WWTR1: variants seen among roughly 807,000 people sequenced by gnomAD.
The protein encoded by WWTR1 is WW domain-containing transcription regulator protein 1.
Under a neutral mutation model 40.1 loss-of-function variants are expected in WWTR1, and 13 were observed. The observed-to-expected ratio is 0.32, with a 90% CI of 0.21 to 0.52. The LOEUF (loss-of-function observed/expected upper bound fraction) is 0.52, where lower values mean the gene tolerates loss of function less well. WWTR1 is among the 20% of genes least tolerant of loss of function. The pLI is 0.97. For synonymous variants in WWTR1, 230 were observed against 210.1 expected (o/e 1.09, Z -0.82); for missense variants, 436 against 523.1 (o/e 0.83, Z 1.63).
chr3:149,705,164 A>G (rs1012999593), upstream of WWTR1, among the ~76,000 whole-genome samples: 2 of 152,188 alleles, frequency 1.3e-5, no homozygotes, highest in Non-Finnish European at 2.9e-5. Flanking sequence ...GGATCAGTCT[A>G]CAAGGTACAA....
At chr3:149,641,831 C>A (rs1290977064) in intron 2 of WWTR1, among the ~76,000 whole-genome samples, 1 of 152,216 alleles carries the variant, frequency 6.6e-6, no homozygotes, top group Non-Finnish European at 1.5e-5. Context: ...GTGTACCATA[C>A]GGATTACAGC....
intron 2 of WWTR1, among the ~76,000 whole-genome samples, chr3:149,585,210 G>A (rs1424923179): frequency 6.6e-6 from 1 of 151,266 alleles, no homozygotes; most frequent in African/African-American, 2.4e-5. Flanking sequence ...TCTGCTCACT[G>A]CAACCTTCAC....
intron 2 of WWTR1, among the ~76,000 whole-genome samples, chr3:149,624,815 T>A (rs570999993): frequency 6.6e-6 from 1 of 152,196 alleles, no homozygotes; most frequent in Admixed American, 6.5e-5. Flanking sequence ...TTCTCCTGCC[T>A]CAGCCTCCCA....
At chr3:149,711,279 G>A (rs1242931503) in intron 5 of WWTR1, among the ~76,000 whole-genome samples, 2 of 151,946 alleles carry the variant, frequency 1.3e-5, no homozygotes, top group South Asian at 2.1e-4. Context: ...TCACCACAGC[G>A]AGATCTTGTC....
intron 4 of WWTR1, among the ~76,000 whole-genome samples, chr3:149,537,411 C>A (rs924953007): frequency 6.6e-6 from 1 of 152,170 alleles, no homozygotes; most frequent in East Asian, 1.9e-4. Context: ...CATTGATACA[C>A]ATGATACATA....
chr3:149,581,933 C>G (rs547271079), intron 2 of WWTR1, among the ~76,000 whole-genome samples: 41 of 152,308 alleles, frequency 2.7e-4, no homozygotes, highest in Admixed American at 1.0e-3. Flanking sequence ...AAGCTGCTGT[C>G]AGCCCCAAAG....
At chr3:149,574,116 G>A (rs1007353070) in intron 2 of WWTR1, among the ~76,000 whole-genome samples, 6 of 151,872 alleles carry the variant, frequency 4.0e-5, no homozygotes, top group South Asian at 2.1e-4. Flanking sequence ...TTGCAGCCCC[G>A]ACATCCTGGG....
chr3:149,710,750 T>C (rs1488074327), intron 5 of WWTR1, among the ~76,000 whole-genome samples: 1 of 151,798 alleles, frequency 6.6e-6, no homozygotes, highest in Non-Finnish European at 1.5e-5. Flanking sequence ...TGGCTAATTT[T>C]TGAAATTTTA....
rs965862443 is a variant in WWTR1, at chr3:149,552,143, C to T, written c.569-9606G>A. Among the ~76,000 whole-genome samples, 8 of 145,524 alleles carry T rather than the reference C, an allele frequency of 5.5e-5. 1 individual carries two copies. The highest frequency in any genetic ancestry group is 9.0e-5 in the Non-Finnish European group (6 of 66,348). On this transcript the variant is annotated intron_variant, in intron 3 of 6. Coordinates refer to ENST00000360632, the MANE Select transcript of WWTR1 (RefSeq NM_015472.6). ...CTTTTAAGAAACATTGAACTATTCT[C>T]TTCCTGTGATTTGAACTAACTCTCA...
chr3:149,639,993 CAAA>C (rs1215330406), intron 2 of WWTR1, among the ~76,000 whole-genome samples: 1,596 of 76,200 alleles, frequency 0.021, 12 homozygotes, highest in African/African-American at 0.071. Flanking sequence ...GACTCCGTCT[CAAA>C]AAAAAAAAAA....
At chr3:149,523,364 T>C (rs914064864) in intron 6 of WWTR1, among the ~76,000 whole-genome samples, 7 of 152,234 alleles carry the variant, frequency 4.6e-5, no homozygotes, top group Admixed American at 3.9e-4. Flanking sequence ...TTCTCCTGCC[T>C]CAGCTTCCCG....
intron 2 of WWTR1, among the ~76,000 whole-genome samples, chr3:149,607,257 A>C (rs1052760398): frequency 1.7e-4 from 26 of 152,302 alleles, no homozygotes; most frequent in South Asian, 4.2e-4. Context: ...AAATCCACTA[A>C]TGCTGCTTAG....
intron 4 of WWTR1, among the ~76,000 whole-genome samples, chr3:149,532,293 C>T (rs1353462326): frequency 6.6e-6 from 1 of 152,018 alleles, no homozygotes; most frequent in East Asian, 1.9e-4. Context: ...ACAAAATAAA[C>T]AATTTTAAAA....
At chr3:149,611,893 G>T (rs934943387) in intron 2 of WWTR1, among the ~76,000 whole-genome samples, 1 of 152,158 alleles carries the variant, frequency 6.6e-6, no homozygotes, top group Non-Finnish European at 1.5e-5. Context: ...TCAAAAGTTT[G>T]CATGTCAGTT....
intron 5 of WWTR1, among the ~76,000 whole-genome samples, chr3:149,716,397 A>C (rs1448905100): frequency 6.6e-6 from 1 of 152,024 alleles, no homozygotes; most frequent in Non-Finnish European, 1.5e-5. Context: ...AAAATAATAA[A>C]ATAAAATAAA....
intron 5 of WWTR1, among the ~76,000 whole-genome samples, chr3:149,714,145 T>A (rs2108233025): frequency 6.6e-6 from 1 of 152,222 alleles, no homozygotes; most frequent in East Asian, 1.9e-4. Context: ...TGGGGCGGTG[T>A]CACCTTCATG....
intron 6 of WWTR1, chr3:149,525,523 G>C (rs941765932): frequency 6.6e-6 from 1 of 151,960 alleles, no homozygotes; most frequent in Non-Finnish European, 1.5e-5. Context: ...ATGAGGAAGG[G>C]GCTACAGTTT....
chr3:149,674,659 G>A (rs73000060), intron 1 of WWTR1, among the ~76,000 whole-genome samples: 30,239 of 151,868 alleles, frequency 0.2, 3,235 homozygotes, highest in Admixed American at 0.3. Flanking sequence ...ATTCTCTTAA[G>A]AATCTGTACT....
At chr3:149,650,684 C>T (rs1712813143) in intron 2 of WWTR1, among the ~76,000 whole-genome samples, 2 of 152,238 alleles carry the variant, frequency 1.3e-5, no homozygotes, top group South Asian at 2.1e-4. Context: ...AAAAACAGCT[C>T]AATTTGTAGT....
Sources: allele counts gnomAD v4.1 joint callset (sites outside exome capture counted in the v4.1 genomes callset), GRCh38; gene constraint gnomAD v4.1.1; transcripts MANE v1.5; gene names NCBI Gene and HGNC (gene_info 2026-07-23, HGNC 2026-07-21).